The following GUCA1B variants were observed in gnomAD, a reference collection of about 807,000 sequenced individuals.
GUCA1B encodes the protein guanylyl cyclase-activating protein 2.
Under a neutral mutation model 24.2 loss-of-function variants are expected in GUCA1B, and 22 were observed. The ratio of observed to expected loss-of-function variants is 0.91; its 90% confidence interval spans 0.65 to 1.30. The LOEUF (loss-of-function observed/expected upper bound fraction) is 1.30. GUCA1B is among the 50% of genes most tolerant of loss of function. The pLI, the probability that GUCA1B is intolerant of heterozygous loss-of-function variation, is 0.00. For synonymous variants in GUCA1B, 100 were observed against 97.9 expected (o/e 1.02, Z -0.13); for missense variants, 221 against 258.8 (o/e 0.85, Z 1.00).
intron 3 of GUCA1B, 111 bp downstream of exon 3, chr6:42,185,569 C>T (rs971530169): frequency 2.8e-6 from 2 of 726,068 alleles, no homozygotes; most frequent in South Asian, 2.9e-5. Flanking sequence ...AGCCTTCTCA[C>T]AGATGAGGAC....
At chr6:42,186,215 C>T (rs142501157) in intron 2 of GUCA1B, among the ~76,000 whole-genome samples, 29 of 152,340 alleles carry the variant, frequency 1.9e-4, no homozygotes, top group African/African-American at 6.5e-4. Flanking sequence ...TGGGGATACA[C>T]ATGTTCCCTC....
intron 1 of GUCA1B, among the ~76,000 whole-genome samples, chr6:42,190,361 A>AT (rs143865611): frequency 0.011 from 1,305 of 123,002 alleles, 26 homozygotes; most frequent in African/African-American, 0.033. Context: ...GTCAACTTCC[A>AT]TTTTTTTTTT....
rs573366756 is a variant in GUCA1B at position 42,185,054 on chromosome 6, C to T, written c.476-112G>A. On this transcript the variant is annotated intron_variant, in intron 3 of 3. Coordinates refer to ENST00000230361, the MANE Select transcript of GUCA1B (RefSeq NM_002098.6). ...CGCCTACACGTCTTATGCCAACTAT[C>T]CTGCAGTCTCAGACCTCAAGCTTGC... The T allele has an allele frequency of 7.2e-6, 7 of 968,964 alleles. No homozygotes were observed. The South Asian group carries it at 1.0e-4, about 14-fold the overall frequency. 60.0% of individuals were successfully genotyped at this position (968,964 alleles called of 1,614,324 possible).
intron 1 of GUCA1B, among the ~76,000 whole-genome samples, chr6:42,189,831 G>A (rs963542557): frequency 6.6e-6 from 1 of 152,210 alleles, no homozygotes; most frequent in Non-Finnish European, 1.5e-5. Context: ...TGTGTTTGGG[G>A]TGACAGGCTG....
At chr6:42,185,317 C>A (rs1290330589) in intron 3 of GUCA1B, among the ~76,000 whole-genome samples, 1 of 152,204 alleles carries the variant, frequency 6.6e-6, no homozygotes, top group Non-Finnish European at 1.5e-5. Flanking sequence ...CTACCCTATG[C>A]CTGCTCTTAA....
chr6:42,185,841 C>T, intron 2 of GUCA1B, 44 bp from the exon 3 acceptor site: 1 of 1,199,810 alleles, frequency 8.3e-7, no homozygotes, highest in Non-Finnish European at 1.2e-6. Flanking sequence ...ACCCTGAAAG[C>T]TCCACCTTCA....
chr6:42,184,824 G>T lies in GUCA1B; in HGVS notation c.594C>A (p.Ala198=), dbSNP rs1768165016. The T allele has an allele frequency of 6.2e-7, 1 of 1,613,984 alleles. No individual in the cohort carries two copies. The highest frequency in any genetic ancestry group is 8.5e-7 in the Non-Finnish European group (1 of 1,179,944). The change falls in exon 4 of 4, where the codon GCC becomes GCA. Residue 198 remains alanine (A), a synonymous_variant. Transcript: ENST00000230361. ...SWLAQQRRKS[A]MF ...AGGGGCCCCAGACTCCTCAGAACAT[G>T]GCACTTTTCCGTCTCTGCTGAGCGA... is the stretch of plus-strand genomic sequence containing the variant.
chr6:42,185,465 C>G (rs1428399516), intron 3 of GUCA1B, among the ~76,000 whole-genome samples: 1 of 152,222 alleles, frequency 6.6e-6, no homozygotes, highest in African/African-American at 2.4e-5. Flanking sequence ...ATTCTGCGTG[C>G]CTGGCCTCCA....
intron 1 of GUCA1B, among the ~76,000 whole-genome samples, chr6:42,194,381 C>T (rs576891660): frequency 1.4e-4 from 21 of 152,000 alleles, no homozygotes; most frequent in African/African-American, 4.8e-4. Flanking sequence ...CATCAGCCGA[C>T]AGCTAAGAGA....
At position 42,183,321 on chromosome 6, in the gene GUCA1B, A is replaced by G. The variant is rs1416355618; in HGVS notation, c.*1494T>C. Among the ~76,000 whole-genome samples, 1 of 152,206 alleles carries G rather than the reference A, an allele frequency of 6.6e-6. No homozygotes were observed. Among genetic ancestry groups the G allele is most frequent in the African/African-American group, 2.4e-5 (1 of 41,458 alleles). On this transcript the variant is annotated 3_prime_UTR_variant, in exon 4 of 4. Transcript: ENST00000230361. ...GGTTAGTTTTATTTCTTATATACCA[A>G]CATAAAAACCTATCTATTCAAGGTA...
intron 1 of GUCA1B, among the ~76,000 whole-genome samples, chr6:42,191,359 G>A (rs1047402818): frequency 2.0e-5 from 3 of 152,008 alleles, no homozygotes; most frequent in Non-Finnish European, 2.9e-5. Context: ...CCACCAAACC[G>A]GTTTCCATCA....
In GUCA1B at chr6:42,185,705, G is replaced by C. The variant is rs1768181326; in HGVS notation, c.450C>G (p.Phe150Leu). Residue 150 changes from phenylalanine (F) to leucine (L), a missense_variant, in exon 3 of 4, where the codon TTC (phenylalanine) becomes TTG (leucine). Phe to Leu is a conservative substitution (Grantham distance 22). Coordinates refer to ENST00000230361, the MANE Select transcript of GUCA1B (RefSeq NM_002098.6). ...LTPEEVVDRI[F>L]LLVDENGDGQ... ...CATCTCCATTCTCATCCACCAGGAG[G>C]AAGATCCTGTCCACGACCTCCTCGG... 2 of 1,604,478 alleles carry C rather than the reference G, an allele frequency of 1.2e-6. No individual in the cohort carries two copies.
intron 1 of GUCA1B, among the ~76,000 whole-genome samples, chr6:42,192,994 T>C (rs957801407): frequency 3.9e-5 from 6 of 152,160 alleles, no homozygotes; most frequent in Non-Finnish European, 7.3e-5. Context: ...TATGTATATA[T>C]ACTTATAGGA....
intron 1 of GUCA1B, among the ~76,000 whole-genome samples, chr6:42,193,101 G>C (rs1256282413): frequency 6.6e-6 from 1 of 152,138 alleles, no homozygotes; most frequent in Non-Finnish European, 1.5e-5. Context: ...AATTGCATAT[G>C]GGAGTTACTT....
chr6:42,185,619 C>T (rs1467468076), intron 3 of GUCA1B, 61 bp downstream of exon 3: 11 of 1,029,262 alleles, frequency 1.1e-5, no homozygotes, highest in South Asian at 6.4e-5. Context: ...CAAGGACGTG[C>T]GGCCAGAAAG....
At chr6:42,187,418 C>CCATTTT (rs1554187028) in intron 2 of GUCA1B, among the ~76,000 whole-genome samples, 1 of 129,582 alleles carries the variant, frequency 7.7e-6, no homozygotes, top group Non-Finnish European at 1.6e-5. Context: ...GTTTATTTTA[C>CCATTTT]TTTTTTTTTT....
Position 42,184,620 on chromosome 6 carries a change from C to A in GUCA1B, c.*195G>T. On this transcript the variant is annotated 3_prime_UTR_variant, in exon 4 of 4. Transcript: ENST00000230361. ...TGAATTCCCTTCACCATCCCAGGGA[C>A]TCCTCCAAAATGGACTATGCCCTGT... 1 of 667,290 alleles carries A rather than the reference C, an allele frequency of 1.5e-6. No homozygotes were observed. Among genetic ancestry groups the A allele is most frequent in the Admixed American group, 2.1e-5 (1 of 47,646 alleles). 41.3% of individuals were successfully genotyped at this position (667,290 alleles called of 1,614,324 possible).
In GUCA1B at chr6:42,186,926, CAG is replaced by C. The variant is rs370745224; in HGVS notation, c.358-1131_358-1130del. 4.8e-3 allele frequency among the ~76,000 whole-genome samples: 731 copies of C among 152,300 alleles called. 13 individuals carry two copies. Among genetic ancestry groups the C allele is most frequent in the African/African-American group, 0.016 (678 of 41,562 alleles). On this transcript the variant is annotated intron_variant, in intron 2 of 3. Coordinates refer to ENST00000230361, the MANE Select transcript of GUCA1B (RefSeq NM_002098.6). ...GGTCTGGCTAACCCAGGGAACACGC[CAG>C]AGTCTGGGATGTACTAGGCACTTCT...
At chr6:42,192,949 T>C (rs1768335445) in intron 1 of GUCA1B, among the ~76,000 whole-genome samples, 1 of 152,008 alleles carries the variant, frequency 6.6e-6, no homozygotes, top group Non-Finnish European at 1.5e-5. Context: ...AGCTTTCTCT[T>C]AAAAAAAGTA....
Sources: gnomAD v4.1 joint callset for allele counts (sites outside exome capture counted in the v4.1 genomes callset) on GRCh38, gnomAD v4.1.1 for gene constraint, MANE v1.5 for transcripts, NCBI Gene and HGNC (gene_info 2026-07-23, HGNC 2026-07-21) for gene names.